Variants in NBAS observed in about 807,000 individuals in gnomAD.
The protein encoded by NBAS is NAG/BC035112 fusion.
In NBAS, 219 loss-of-function variants were observed where a neutral mutation model predicts 302.5. The ratio of observed to expected loss-of-function variants is 0.72; its 90% CI spans 0.65 to 0.81. The LOEUF is 0.81. Ranked by LOEUF, NBAS falls within the 30% of genes least tolerant of loss-of-function variation. The probability of loss-of-function intolerance (pLI) is 0.00; values close to 1 mark genes in which losing one functional copy is unlikely to be tolerated. For synonymous variants in NBAS, 1,118 were observed against 1,021.6 expected (o/e 1.09, Z -1.80); for missense variants, 2,932 against 2,841.6 (o/e 1.03, Z -0.72).
intron 48 of NBAS, among the ~76,000 whole-genome samples, chr2:15,210,127 A>G (rs556841469): frequency 2.0e-4 from 30 of 152,148 alleles, no homozygotes; most frequent in Non-Finnish European, 4.3e-4. Context: ...GGACAAATGG[A>G]ATCACATCAA....
At chr2:15,068,467 C>G in the NBAS span, among the ~76,000 whole-genome samples, 1 of 152,150 alleles carries the variant, frequency 6.6e-6, no homozygotes, top group Non-Finnish European at 1.5e-5. Context: ...TTGTCTAGAC[C>G]AGGATGAGAG....
At chr2:14,975,129 C>G in the NBAS span, among the ~76,000 whole-genome samples, 1 of 152,126 alleles carries the variant, frequency 6.6e-6, no homozygotes, top group African/African-American at 2.4e-5. Context: ...AACCTAGAAG[C>G]AGATTTTTCC....
intron 25 of NBAS, among the ~76,000 whole-genome samples, chr2:15,403,908 CT>C (rs11286593): frequency 0.62 from 83,040 of 133,724 alleles, 25,888 homozygotes; most frequent in Middle Eastern, 0.71. Flanking sequence ...TGTCTATACA[CT>C]TTTTTTTTTT....
chr2:15,333,231 A>C (rs770695449), intron 35 of NBAS, among the ~76,000 whole-genome samples: 2 of 152,180 alleles, frequency 1.3e-5, no homozygotes, highest in Non-Finnish European at 2.9e-5. Flanking sequence ...TTCAGGAAGA[A>C]AATACAACTT....
chr2:15,199,625 A>G (rs1296649126), intron 48 of NBAS, among the ~76,000 whole-genome samples: 1 of 152,186 alleles, frequency 6.6e-6, no homozygotes. Context: ...GGTAAATTTG[A>G]TTAATACATG....
chr2:15,349,429 T>C (rs1187867633), intron 35 of NBAS, among the ~76,000 whole-genome samples: 1 of 152,042 alleles, frequency 6.6e-6, no homozygotes, highest in Non-Finnish European at 1.5e-5. Flanking sequence ...CAACTACAAA[T>C]CAAAACATGC....
At chr2:15,499,256 C>A (rs1681190499) in intron 11 of NBAS, among the ~76,000 whole-genome samples, 1 of 152,142 alleles carries the variant, frequency 6.6e-6, no homozygotes, top group African/African-American at 2.4e-5. Flanking sequence ...AGTGTGAGAA[C>A]AGACTAATAC....
At chr2:15,459,754 C>G (rs1679425949) in intron 21 of NBAS, among the ~76,000 whole-genome samples, 1 of 152,174 alleles carries the variant, frequency 6.6e-6, no homozygotes, top group South Asian at 2.1e-4. Flanking sequence ...GCTGGGATTA[C>G]AGGCGTGAGC....
chr2:14,868,199 G>C, the NBAS span, among the ~76,000 whole-genome samples: 1 of 152,176 alleles, frequency 6.6e-6, no homozygotes, highest in Admixed American at 6.5e-5. Flanking sequence ...AAATCCAGAT[G>C]GGTCTGGTTC....
At chr2:14,797,521 C>G in the NBAS span, among the ~76,000 whole-genome samples, 1 of 152,162 alleles carries the variant, frequency 6.6e-6, no homozygotes, top group African/African-American at 2.4e-5. Context: ...GAACAACATC[C>G]CTTGGGGCTT....
At chr2:14,823,878 T>C in the NBAS span, among the ~76,000 whole-genome samples, 2 of 152,196 alleles carry the variant, frequency 1.3e-5, no homozygotes, top group African/African-American at 4.8e-5. Flanking sequence ...CAGCATATCA[T>C]GAAATCTTTC....
chr2:15,049,875 A>G, the NBAS span, among the ~76,000 whole-genome samples: 1 of 152,200 alleles, frequency 6.6e-6, no homozygotes, highest in Non-Finnish European at 1.5e-5. Context: ...GGAGTGACAG[A>G]GGCAGACAAA....
the NBAS span, among the ~76,000 whole-genome samples, chr2:14,806,783 C>T: frequency 5.3e-5 from 8 of 152,188 alleles, no homozygotes; most frequent in Admixed American, 4.6e-4. Flanking sequence ...TTTTGAGCAA[C>T]GCTCATAAAT....
At chr2:15,496,565 C>G (rs1170901036) in intron 11 of NBAS, among the ~76,000 whole-genome samples, 2 of 149,680 alleles carry the variant, frequency 1.3e-5, no homozygotes, top group Non-Finnish European at 3.0e-5. Context: ...TTATATTTCA[C>G]AATAAAAAGC....
the NBAS span, among the ~76,000 whole-genome samples, chr2:15,068,281 G>C: frequency 5.1e-4 from 77 of 152,130 alleles, no homozygotes; most frequent in Non-Finnish European, 4.4e-5. Flanking sequence ...GAGTTTATGT[G>C]GGGGGAAACA....
chr2:15,255,371 A>C (rs950384799), intron 44 of NBAS, among the ~76,000 whole-genome samples: 1 of 152,026 alleles, frequency 6.6e-6, no homozygotes, highest in Non-Finnish European at 1.5e-5. Context: ...TCCTTTTGAG[A>C]AGTATCTATT....
At chr2:15,194,996 G>A (rs1665551081) in intron 48 of NBAS, among the ~76,000 whole-genome samples, 1 of 151,878 alleles carries the variant, frequency 6.6e-6, no homozygotes, top group Non-Finnish European at 1.5e-5. Context: ...ACTAAGAAAC[G>A]AGTCAGGAAT....
At chr2:14,887,923 C>T in the NBAS span, among the ~76,000 whole-genome samples, 2 of 152,166 alleles carry the variant, frequency 1.3e-5, no homozygotes, top group Admixed American at 1.3e-4. Flanking sequence ...TCTCTCTTTA[C>T]ATGTCACCTA....
At chr2:15,388,451 A>C (rs1489550782) in intron 28 of NBAS, among the ~76,000 whole-genome samples, 7 of 152,184 alleles carry the variant, frequency 4.6e-5, no homozygotes, top group Non-Finnish European at 1.0e-4. Context: ...TACCCATCTA[A>C]ATGGTTAAAA....
Sources: gnomAD v4.1 joint callset for allele counts (sites outside exome capture counted in the v4.1 genomes callset) on GRCh38, gnomAD v4.1.1 for gene constraint, MANE v1.5 for transcripts, NCBI Gene and HGNC (gene_info 2026-07-23, HGNC 2026-07-21) for gene names.